Variants in KLHL32 observed in about 807,000 individuals in gnomAD.
KLHL32 encodes the protein kelch like family member 32.
In KLHL32, 35 loss-of-function variants were observed where a neutral mutation model predicts 64.8. The ratio of observed to expected loss-of-function variants is 0.54; its 90% CI spans 0.41 to 0.72. The LOEUF is 0.72. Among genes scored for constraint, KLHL32 ranks in the 30% least tolerant of loss-of-function variants. KLHL32 has a pLI of 0.00. For missense variants in KLHL32, 589 were observed against 768.5 expected, an observed-to-expected ratio of 0.77 and a Z score of 2.76; for synonymous variants, 259 against 281.0, an observed-to-expected ratio of 0.92 and a Z score of 0.78.
chr6:96,973,741 T>TTTTTTTTTTTTTTTTTC (rs3032640), intron 2 of KLHL32, among the ~76,000 whole-genome samples: 15 of 149,430 alleles, frequency 1.0e-4, no homozygotes, highest in Non-Finnish European at 1.8e-4. Context: ...TTTTTTTTTT[T>TTTTTTTTTTTTTTTTTC]AGACAGAGTC....
intron 5 of KLHL32, among the ~76,000 whole-genome samples, chr6:97,069,135 C>T (rs1238635329): frequency 1.1e-4 from 17 of 152,078 alleles, no homozygotes; most frequent in Admixed American, 1.1e-3. Flanking sequence ...TGTGGATCAT[C>T]GAGTAAAGCA....
At chr6:97,025,684 G>A (rs1205786960) in intron 3 of KLHL32, among the ~76,000 whole-genome samples, 1 of 152,136 alleles carries the variant, frequency 6.6e-6, no homozygotes, top group East Asian at 1.9e-4. Flanking sequence ...TGAGAGGGAG[G>A]CACCTGAGTA....
At chr6:97,106,997 G>A (rs1014796083) in intron 6 of KLHL32, among the ~76,000 whole-genome samples, 4 of 151,970 alleles carry the variant, frequency 2.6e-5, no homozygotes, top group African/African-American at 9.7e-5. Flanking sequence ...ATTGAATATA[G>A]AAGTTATTTT....
Position 97,085,270 on chromosome 6 carries a change from C to T in KLHL32, c.556C>T (p.Pro186Ser). The T allele has an allele frequency of 6.2e-7, 1 of 1,613,756 alleles. No individual in the cohort carries two copies. Among genetic ancestry groups the T allele is most frequent in the East Asian group, 2.2e-5 (1 of 44,890 alleles). Residue 186 changes from proline (P) to serine (S), a missense_variant, in exon 6 of 11, where the codon CCC (proline) becomes TCC (serine). Pro to Ser is a moderately conservative substitution (Grantham distance 74). Transcript: ENST00000369261. ...CCGCCCAGAAGAAGTTCTAACGCTT[C>T]CCTATTGCCTGCTTCAGGAGGTGCT... ...KSRPEEVLTLPYCLLQEVLKS... is the reference protein window; with the variant it reads ...KSRPEEVLTLSYCLLQEVLKS...
At chr6:96,923,041 C>T (rs542939133), upstream of KLHL32, among the ~76,000 whole-genome samples, 4 of 152,058 alleles carry the variant, frequency 2.6e-5, no homozygotes, top group Non-Finnish European at 5.9e-5. Flanking sequence ...CAGGAGATAC[C>T]CTGAGACACT....
intron 6 of KLHL32, among the ~76,000 whole-genome samples, chr6:97,091,745 T>C (rs1363773066): frequency 6.6e-6 from 1 of 152,220 alleles, no homozygotes; most frequent in Non-Finnish European, 1.5e-5. Flanking sequence ...TCTCGATAGT[T>C]GTATGCACCC....
intron 1 of KLHL32, among the ~76,000 whole-genome samples, chr6:96,965,734 C>T (rs1774377407): frequency 6.6e-6 from 1 of 152,276 alleles, no homozygotes; most frequent in African/African-American, 2.4e-5. Flanking sequence ...ACTTAAACAA[C>T]GTGCCTTGAA....
intron 6 of KLHL32, among the ~76,000 whole-genome samples, chr6:97,101,653 G>A (rs982914747): frequency 1.3e-5 from 2 of 152,102 alleles, no homozygotes; most frequent in African/African-American, 2.4e-5. Flanking sequence ...CTTCTCCAAC[G>A]TTGAATTTAA....
At chr6:97,047,010 T>C (rs1383339570) in intron 4 of KLHL32, among the ~76,000 whole-genome samples, 1 of 152,234 alleles carries the variant, frequency 6.6e-6, no homozygotes, top group Non-Finnish European at 1.5e-5. Context: ...AAATTGTTGC[T>C]GTCTTGGAGA....
intron 4 of KLHL32, among the ~76,000 whole-genome samples, chr6:97,054,786 C>A (rs1158532967): frequency 2.0e-5 from 3 of 152,148 alleles, no homozygotes; most frequent in African/African-American, 7.2e-5. Flanking sequence ...AAAGTAGGAA[C>A]AACTTGGCAC....
intron 10 of KLHL32, among the ~76,000 whole-genome samples, chr6:97,138,064 ATAGT>A (rs989582247): frequency 9.2e-5 from 14 of 152,240 alleles, no homozygotes; most frequent in Non-Finnish European, 7.3e-5. Context: ...AAATGTTTAA[ATAGT>A]TAGAGAAAAG....
At chr6:96,924,723 T>A (rs1186861573), upstream of KLHL32, 1 of 152,098 alleles carries the variant, frequency 6.6e-6, no homozygotes, top group Non-Finnish European at 1.5e-5. Context: ...TGGCTAGGGC[T>A]TTTTATTTAC....
upstream of KLHL32, among the ~76,000 whole-genome samples, chr6:96,919,640 T>C (rs1422430285): frequency 6.6e-6 from 1 of 152,194 alleles, no homozygotes; most frequent in African/African-American, 2.4e-5. Flanking sequence ...TTAAAAGTGT[T>C]ATAATAGCCA....
At chr6:96,957,530 T>A (rs1215496215) in intron 1 of KLHL32, among the ~76,000 whole-genome samples, 1 of 152,218 alleles carries the variant, frequency 6.6e-6, no homozygotes, top group Non-Finnish European at 1.5e-5. Flanking sequence ...TAATTTTAAC[T>A]GGTGTGAAAG....
intron 5 of KLHL32, among the ~76,000 whole-genome samples, chr6:97,069,400 CTT>C (rs199967868): frequency 7.2e-4 from 97 of 134,488 alleles, no homozygotes; most frequent in African/African-American, 1.4e-3. Flanking sequence ...GATTTTGTTC[CTT>C]TTTTTTTTTT....
At chr6:96,955,042 T>A (rs1773095131) in intron 1 of KLHL32, among the ~76,000 whole-genome samples, 1 of 152,202 alleles carries the variant, frequency 6.6e-6, no homozygotes. Context: ...CATCACATTG[T>A]GGAGAAACGA....
intron 6 of KLHL32, among the ~76,000 whole-genome samples, chr6:97,107,835 G>A (rs1796619616): frequency 6.6e-6 from 1 of 152,218 alleles, no homozygotes; most frequent in Non-Finnish European, 1.5e-5. Flanking sequence ...ATTTGTTTGA[G>A]AGAATCTGAG....
chr6:96,964,570 G>A (rs989236359), intron 1 of KLHL32, among the ~76,000 whole-genome samples: 1 of 152,072 alleles, frequency 6.6e-6, no homozygotes, highest in East Asian at 1.9e-4. Flanking sequence ...GGAGAATGGC[G>A]TGAACCCGGG....
intron 5 of KLHL32, among the ~76,000 whole-genome samples, chr6:97,069,433 T>G (rs1790354485): frequency 6.6e-6 from 1 of 151,284 alleles, no homozygotes; most frequent in South Asian, 2.1e-4. Context: ...AATGGCAATT[T>G]CAGTAAGAAA....
Sources: gnomAD v4.1 joint callset for allele counts (sites outside exome capture counted in the v4.1 genomes callset) on GRCh38, gnomAD v4.1.1 for gene constraint, MANE v1.5 for transcripts, NCBI Gene and HGNC (gene_info 2026-07-23, HGNC 2026-07-21) for gene names.